Variants in HMG20A observed in about 807,000 individuals in gnomAD.
The protein encoded by HMG20A is high mobility group 20A, also known as high mobility group protein 20A.
HMG20A carries 17 observed loss-of-function variants against 43.9 expected under a neutral mutation model. The ratio of observed to expected loss-of-function variants is 0.39; its 90% CI spans 0.27 to 0.58. The LOEUF (loss-of-function observed/expected upper bound fraction) is 0.58, where lower values mean the gene tolerates loss of function less well. Among genes scored for constraint, HMG20A ranks in the 20% least tolerant of loss-of-function variants. The pLI is 0.59. For synonymous variants in HMG20A, 132 were observed against 147.5 expected, an observed-to-expected ratio of 0.89 and a Z score of 0.76; for missense variants, 341 against 438.2, an observed-to-expected ratio of 0.78 and a Z score of 1.98.
At chr15:77,454,477 G>C (rs868426577) in intron 1 of HMG20A, among the ~76,000 whole-genome samples, 1 of 152,120 alleles carries the variant, frequency 6.6e-6, no homozygotes, top group Non-Finnish European at 1.5e-5. Context: ...TGGAGGATTT[G>C]GGTGAGTTTG....
At chr15:77,462,772 C>CTTTTTTTTTTTTTTTTTTTTTTTTTT in intron 2 of HMG20A, among the ~76,000 whole-genome samples, 2 of 127,786 alleles carry the variant, frequency 1.6e-5, no homozygotes, top group Non-Finnish European at 1.6e-5. Flanking sequence ...TTTTCTTTTT[C>CTTTTTTTTTTTTTTTTTTTTTTTTTT]TTTTTTTTTT....
chr15:77,463,733 C>T (rs2072727145), intron 2 of HMG20A, among the ~76,000 whole-genome samples: 1 of 152,204 alleles, frequency 6.6e-6, no homozygotes, highest in Non-Finnish European at 1.5e-5. Context: ...CTTAGATGAT[C>T]TGATTGTCAC....
chr15:77,465,248 G>A lies in HMG20A; in HGVS notation c.237+861G>A, dbSNP rs1357647603. On this transcript the variant is annotated intron_variant, in intron 3 of 9. Coordinates refer to ENST00000336216, the MANE Select transcript of HMG20A (RefSeq NM_001304504.2). ...TGAACTCCAGCCTGGGCTACAGAGCGAGACTTCGTCTCAAAAAAAAAAAAA... is the reference window on the plus strand; with the variant it reads ...TGAACTCCAGCCTGGGCTACAGAGCAAGACTTCGTCTCAAAAAAAAAAAAA... 1.5e-4 allele frequency among the ~76,000 whole-genome samples: 16 copies of A among 104,050 alleles called. No individual in the cohort carries two copies. In the Middle Eastern group the frequency reaches 0.037, roughly 244 times the overall value. 68.3% of individuals were successfully genotyped at this position (104,050 alleles called of 152,430 possible).
intron 1 of HMG20A, among the ~76,000 whole-genome samples, chr15:77,443,379 G>GATGATGATGATGATTATTATT (rs576920554): frequency 3.0e-5 from 4 of 131,318 alleles, no homozygotes; most frequent in African/African-American, 1.1e-4. Flanking sequence ...TGATGATGAT[G>GATGATGATGATGATTATTATT]ATTATTATTA....
At chr15:77,424,944 G>A (rs1316138424) in intron 1 of HMG20A, among the ~76,000 whole-genome samples, 4 of 151,934 alleles carry the variant, frequency 2.6e-5, no homozygotes, top group African/African-American at 9.7e-5. Flanking sequence ...ACATCCAAAC[G>A]GGATCGCCTC....
intron 7 of HMG20A, among the ~76,000 whole-genome samples, chr15:77,477,912 G>A (rs1369857186): frequency 6.6e-6 from 1 of 152,144 alleles, no homozygotes; most frequent in African/African-American, 2.4e-5. Context: ...ATAAGTAAGA[G>A]CAAGTCTGAT....
rs527584426 is a variant in HMG20A, at chr15:77,437,585, T to C, written c.-5+16581T>C. ...TTTAGATTGAAACTTTTTTTTTGTT[T>C]TTTGAGACGGAGTTTCACTCTTGTT... On this transcript the variant is annotated intron_variant, in intron 1 of 9. Transcript: ENST00000336216. Among the ~76,000 whole-genome samples, 23 of 152,308 alleles carry C rather than the reference T, an allele frequency of 1.5e-4. No homozygotes were observed. The South Asian group carries it at 4.4e-3, about 29-fold the overall frequency.
intron 1 of HMG20A, among the ~76,000 whole-genome samples, chr15:77,422,419 C>T (rs767772461): frequency 6.6e-6 from 1 of 152,134 alleles, no homozygotes; most frequent in Non-Finnish European, 1.5e-5. Context: ...AGTTCGAGAC[C>T]AGCCTGGCCA....
the HMG20A span, among the ~76,000 whole-genome samples, chr15:77,515,515 C>T: frequency 4.6e-5 from 7 of 152,034 alleles, no homozygotes; most frequent in South Asian, 1.5e-3. Context: ...TCTTGAAGTC[C>T]TGGGCTCAAG....
chr15:77,496,266 A>G, the HMG20A span, among the ~76,000 whole-genome samples: 1 of 152,246 alleles, frequency 6.6e-6, no homozygotes, highest in Non-Finnish European at 1.5e-5. Flanking sequence ...AAAGAATGTA[A>G]CATATTTCTC....
chr15:77,429,668 T>C (rs2073464051), intron 1 of HMG20A, among the ~76,000 whole-genome samples: 1 of 152,246 alleles, frequency 6.6e-6, no homozygotes, highest in African/African-American at 2.4e-5. Flanking sequence ...TTAATAGCAC[T>C]GATATCTATA....
chr15:77,426,546 T>A (rs1208019320), intron 1 of HMG20A, among the ~76,000 whole-genome samples: 1 of 152,150 alleles, frequency 6.6e-6, no homozygotes, highest in Admixed American at 6.5e-5. Context: ...TTGAGTAGGC[T>A]GAGAAGGAGG....
chr15:77,479,363 CA>C, intron 9 of HMG20A, 42 bp downstream of exon 9: 1 of 1,582,390 alleles, frequency 6.3e-7, no homozygotes, highest in Non-Finnish European at 8.6e-7. Context: ...AGCACATCAT[CA>C]AAAATAAGAT....
the HMG20A span, among the ~76,000 whole-genome samples, chr15:77,502,770 C>A: frequency 6.6e-6 from 1 of 151,998 alleles, no homozygotes; most frequent in African/African-American, 2.4e-5. Flanking sequence ...GAGTTTGAGA[C>A]CAGCATGGGC....
intron 1 of HMG20A, among the ~76,000 whole-genome samples, chr15:77,434,722 A>AAAATT (rs1308842952): frequency 6.6e-5 from 10 of 152,188 alleles, no homozygotes; most frequent in African/African-American, 2.4e-4. Flanking sequence ...TGAAATGGCT[A>AAAATT]AAATTAAAAA....
chr15:77,437,945 C>G lies in HMG20A; in HGVS notation c.-5+16941C>G, dbSNP rs534326009. ...AGTCTTGACTAAATAACTTTGTCTT[C>G]TTTTCTAGAACTGCAATTTTGTTCG... On this transcript the variant is annotated intron_variant, in intron 1 of 9. Coordinates refer to ENST00000336216, the MANE Select transcript of HMG20A (RefSeq NM_001304504.2). 5.9e-5 allele frequency among the ~76,000 whole-genome samples: 9 copies of G among 151,330 alleles called. No individual in the cohort carries two copies. In the East Asian group the frequency reaches 1.8e-3, roughly 30 times the overall value.
chr15:77,455,921 T>C (rs548291390), intron 1 of HMG20A, among the ~76,000 whole-genome samples: 3 of 152,188 alleles, frequency 2.0e-5, no homozygotes, highest in Non-Finnish European at 4.4e-5. Flanking sequence ...TGGACTAGTT[T>C]AGAGGCCTTT....
At chr15:77,479,059 C>T (rs1253294878) in intron 8 of HMG20A, 120 bp from the exon 9 acceptor site, 4 of 927,798 alleles carry the variant, frequency 4.3e-6, no homozygotes, top group African/African-American at 1.7e-5. Context: ...AGTCTCTCCT[C>T]TAAAATTAAA....
chr15:77,443,851 C>A (rs1209218193), intron 1 of HMG20A, among the ~76,000 whole-genome samples: 1 of 152,004 alleles, frequency 6.6e-6, no homozygotes, highest in Non-Finnish European at 1.5e-5. Flanking sequence ...GCTGGGATCA[C>A]AGGCGCGTGC....
Sources: allele counts gnomAD v4.1 joint callset (sites outside exome capture counted in the v4.1 genomes callset), GRCh38; gene constraint gnomAD v4.1.1; transcripts MANE v1.5; gene names NCBI Gene and HGNC (gene_info 2026-07-23, HGNC 2026-07-21).